The following LSAMP variants were observed in gnomAD, a reference collection of about 807,000 sequenced individuals.
LSAMP encodes the protein limbic system associated membrane protein.
A neutral mutation model predicts 38.6 loss-of-function variants in LSAMP; 7 were observed. The ratio of observed to expected loss-of-function variants is 0.18; its 90% CI spans 0.10 to 0.34. LSAMP has a LOEUF of 0.34. Ranked by LOEUF, LSAMP falls within the 10% of genes least tolerant of loss-of-function variation. LSAMP has a pLI of 1.00. For missense variants in LSAMP, 313 were observed against 420.0 expected (o/e 0.75, Z 2.23); for synonymous variants, 154 against 166.8 (o/e 0.92, Z 0.59).
intron 3 of LSAMP, among the ~76,000 whole-genome samples, chr3:115,861,545 C>T (rs1935702842): frequency 6.6e-6 from 1 of 152,124 alleles, no homozygotes; most frequent in African/African-American, 2.4e-5. Context: ...AATGTGGACC[C>T]TGTACACAGA....
intron 1 of LSAMP, among the ~76,000 whole-genome samples, chr3:116,352,351 G>A (rs577824825): frequency 2.6e-5 from 4 of 152,156 alleles, no homozygotes; most frequent in Admixed American, 2.0e-4. Context: ...TCAGAGCATG[G>A]GATCTTGCCA....
intron 3 of LSAMP, among the ~76,000 whole-genome samples, chr3:115,998,104 G>A (rs976162034): frequency 2.7e-5 from 4 of 145,476 alleles, no homozygotes; most frequent in East Asian, 2.0e-4. Flanking sequence ...ATTGACACAC[G>A]TCTCCTGGGA....
chr3:116,103,770 A>C (rs1028722141), intron 1 of LSAMP, among the ~76,000 whole-genome samples: 3 of 152,154 alleles, frequency 2.0e-5, no homozygotes, highest in Admixed American at 2.0e-4. Context: ...AGACTGTAAA[A>C]TTAAGGAAGT....
chr3:116,264,580 A>G (rs2046870050), intron 1 of LSAMP, among the ~76,000 whole-genome samples: 1 of 152,076 alleles, frequency 6.6e-6, no homozygotes, highest in Non-Finnish European at 1.5e-5. Flanking sequence ...AGAGAAGAGA[A>G]GATGGTGGCA....
intron 3 of LSAMP, among the ~76,000 whole-genome samples, chr3:116,004,262 T>TA (rs1559916345): frequency 6.6e-6 from 1 of 152,002 alleles, no homozygotes; most frequent in African/African-American, 2.4e-5. Flanking sequence ...GCTTTGAGGG[T>TA]AAAAATTCAG....
At chr3:116,249,315 G>A (rs1468119347) in intron 1 of LSAMP, among the ~76,000 whole-genome samples, 5 of 151,930 alleles carry the variant, frequency 3.3e-5, no homozygotes, top group Admixed American at 2.0e-4. Context: ...ATGCCAAGAT[G>A]ACAAGACAAG....
At chr3:115,963,220 C>A (rs1938687658) in intron 3 of LSAMP, among the ~76,000 whole-genome samples, 1 of 152,150 alleles carries the variant, frequency 6.6e-6, no homozygotes, top group Non-Finnish European at 1.5e-5. Context: ...AGAATTTTAA[C>A]ACATGTACCA....
chr3:116,004,500 A>ATG (rs997674027), intron 3 of LSAMP, among the ~76,000 whole-genome samples: 6 of 141,652 alleles, frequency 4.2e-5, no homozygotes, highest in African/African-American at 1.1e-4. Context: ...ATGAAACCAA[A>ATG]TGTGTGTGTG....
chr3:116,053,791 G>C (rs1270932622), intron 2 of LSAMP, among the ~76,000 whole-genome samples: 1 of 152,160 alleles, frequency 6.6e-6, no homozygotes, highest in Non-Finnish European at 1.5e-5. Context: ...TTGCGTGGGA[G>C]AGTAATAGTC....
intron 3 of LSAMP, among the ~76,000 whole-genome samples, chr3:115,856,136 T>A (rs567798394): frequency 1.0e-3 from 155 of 152,360 alleles, no homozygotes; most frequent in Non-Finnish European, 1.9e-3. Context: ...GCACAGAGTT[T>A]GGCTCAGATT....
At chr3:116,344,130 T>A (rs2048033129) in intron 1 of LSAMP, among the ~76,000 whole-genome samples, 1 of 152,108 alleles carries the variant, frequency 6.6e-6, no homozygotes, top group South Asian at 2.1e-4. Context: ...ACGTGAATAA[T>A]GGCACCACCT....
At chr3:116,403,934 T>C (rs2048872348) in intron 1 of LSAMP, among the ~76,000 whole-genome samples, 1 of 151,568 alleles carries the variant, frequency 6.6e-6, no homozygotes, top group Admixed American at 6.6e-5. Flanking sequence ...TTGTAATTTT[T>C]TTTTTTTAAC....
At chr3:116,045,306 G>A (rs1576329766) in intron 2 of LSAMP, among the ~76,000 whole-genome samples, 1 of 151,958 alleles carries the variant, frequency 6.6e-6, no homozygotes, top group African/African-American at 2.4e-5. Flanking sequence ...ATGAGCATTG[G>A]TCCTATTTTG....
At chr3:116,147,586 T>C (rs1296876683) in intron 1 of LSAMP, among the ~76,000 whole-genome samples, 2 of 151,994 alleles carry the variant, frequency 1.3e-5, no homozygotes, top group African/African-American at 4.8e-5. Flanking sequence ...ATAATATTTT[T>C]CAAGAATTGA....
chr3:116,441,114 A>C (rs982470762), intron 1 of LSAMP, among the ~76,000 whole-genome samples: 2 of 152,218 alleles, frequency 1.3e-5, no homozygotes, highest in African/African-American at 2.4e-5. Context: ...AACATTAGCT[A>C]TTCTTCATTT....
chr3:116,313,182 T>C (rs2047581818), intron 1 of LSAMP, among the ~76,000 whole-genome samples: 1 of 152,206 alleles, frequency 6.6e-6, no homozygotes, highest in African/African-American at 2.4e-5. Context: ...TACTATTCCA[T>C]GACTTTCTAA....
chr3:116,239,705 G>A (rs1260352642), intron 1 of LSAMP, among the ~76,000 whole-genome samples: 1 of 152,122 alleles, frequency 6.6e-6, no homozygotes, highest in African/African-American at 2.4e-5. Context: ...TTCAATCACA[G>A]GTTACATGGC....
At chr3:116,020,397 A>T (rs1940605476) in intron 2 of LSAMP, among the ~76,000 whole-genome samples, 1 of 152,208 alleles carries the variant, frequency 6.6e-6, no homozygotes, top group Non-Finnish European at 1.5e-5. Context: ...TACTTCAATA[A>T]CTTCTTACAA....
At chr3:116,232,886 C>A (rs2046420812) in intron 1 of LSAMP, among the ~76,000 whole-genome samples, 2 of 151,418 alleles carry the variant, frequency 1.3e-5, no homozygotes, top group Non-Finnish European at 2.9e-5. Flanking sequence ...GGAGAAAGGC[C>A]CCTACCAGTT....
Sources: gnomAD v4.1 joint callset for allele counts (sites outside exome capture counted in the v4.1 genomes callset) on GRCh38, gnomAD v4.1.1 for gene constraint, MANE v1.5 for transcripts, NCBI Gene and HGNC (gene_info 2026-07-23, HGNC 2026-07-21) for gene names.